Variants in CRPPA observed in about 807,000 individuals in gnomAD.
CRPPA encodes the protein D-ribitol-5-phosphate cytidylyltransferase.
A neutral mutation model predicts 52.0 loss-of-function variants in CRPPA; 43 were observed. That is an observed-to-expected ratio of 0.83 (90% CI 0.65 to 1.07). CRPPA has a LOEUF of 1.07. Among genes scored for constraint, CRPPA ranks in the 50% least tolerant of loss-of-function variants. The probability of loss-of-function intolerance (pLI) is 0.00; values close to 1 mark genes in which losing one functional copy is unlikely to be tolerated. For missense variants in CRPPA, 629 were observed against 551.7 expected (o/e 1.14, Z -1.40); for synonymous variants, 250 against 203.5 (o/e 1.23, Z -1.94).
At chr7:16,397,094 C>T (rs1031822879) in intron 2 of CRPPA, among the ~76,000 whole-genome samples, 2 of 152,182 alleles carry the variant, frequency 1.3e-5, no homozygotes, top group South Asian at 2.1e-4. Context: ...GGAAGACACA[C>T]GTGTGAAATA....
intron 1 of CRPPA, among the ~76,000 whole-genome samples, chr7:16,416,601 G>T (rs555223747): frequency 9.2e-5 from 14 of 151,932 alleles, no homozygotes; most frequent in Non-Finnish European, 1.8e-4. Context: ...CTGGGAGGCC[G>T]ACGCAGGTGG....
chr7:16,384,100 G>A (rs1157578011), intron 2 of CRPPA, among the ~76,000 whole-genome samples: 3 of 152,154 alleles, frequency 2.0e-5, no homozygotes, highest in Non-Finnish European at 4.4e-5. Context: ...CTCAGGCTGG[G>A]AGCTGTAGAC....
rs546946389 is a variant in CRPPA, at chr7:16,246,726, T to C, written c.1119+11664A>G. ...GCAGTAATATTTTGAAAGGAATCTT[T>C]CTTTGTGAGCATTAAGTCTCAAAAG... On this transcript the variant is annotated intron_variant, in intron 8 of 9. Transcript: ENST00000407010. Among the ~76,000 whole-genome samples the C allele has an allele frequency of 5.3e-5, 8 of 152,364 alleles. No individual in the cohort carries two copies. The South Asian group carries it at 1.7e-3, about 32-fold the overall frequency.
intron 9 of CRPPA, among the ~76,000 whole-genome samples, chr7:16,202,303 T>C (rs1017791026): frequency 3.3e-5 from 5 of 152,184 alleles, no homozygotes; most frequent in Non-Finnish European, 7.4e-5. Context: ...ATTCTGTTCA[T>C]GTTTTACACA....
chr7:16,233,798 A>G (rs1583452590), intron 8 of CRPPA, among the ~76,000 whole-genome samples: 1 of 152,284 alleles, frequency 6.6e-6, no homozygotes, highest in East Asian at 1.9e-4. Context: ...GCAACAATAA[A>G]TGAATGAGTG....
intron 2 of CRPPA, among the ~76,000 whole-genome samples, chr7:16,398,859 A>G (rs895927874): frequency 6.6e-6 from 1 of 152,226 alleles, no homozygotes; most frequent in Non-Finnish European, 1.5e-5. Context: ...CGTAACTGGC[A>G]TGTGTCCAAC....
intron 9 of CRPPA, among the ~76,000 whole-genome samples, chr7:16,136,790 C>G (rs76256621): frequency 2.0e-5 from 3 of 152,096 alleles, no homozygotes; most frequent in African/African-American, 7.2e-5. Context: ...CACATATACA[C>G]GCATACACAA....
chr7:16,342,743 C>A, intron 3 of CRPPA, among the ~76,000 whole-genome samples: 1 of 80,922 alleles, frequency 1.2e-5, no homozygotes, highest in African/African-American at 5.1e-5. Flanking sequence ...GCCTGGGCAA[C>A]AGGATGAACC....
chr7:16,224,524 A>G (rs1782599889), intron 8 of CRPPA, among the ~76,000 whole-genome samples: 2 of 152,290 alleles, frequency 1.3e-5, no homozygotes, highest in South Asian at 4.1e-4. Context: ...AATGCCCACC[A>G]AAGTGGAAGG....
rs1482861425 is a variant in CRPPA at position 16,156,250 on chromosome 7, T to C, written c.1251+59816A>G. On this transcript the variant is annotated intron_variant, in intron 9 of 9. Coordinates refer to ENST00000407010, the MANE Select transcript of CRPPA (RefSeq NM_001101426.4). ...AACACTCATTTTATTTCACTTGCTT[T>C]AGCTAATAACTGTCACTGTTCTATC... 3.9e-5 allele frequency among the ~76,000 whole-genome samples: 6 copies of C among 152,196 alleles called. No individual in the cohort carries two copies. In the East Asian group the frequency reaches 1.2e-3, roughly 29 times the overall value.
intron 5 of CRPPA, among the ~76,000 whole-genome samples, chr7:16,299,487 C>A (rs911764169): frequency 6.6e-6 from 1 of 152,112 alleles, no homozygotes; most frequent in African/African-American, 2.4e-5. Flanking sequence ...TGAGGTGGGG[C>A]CTGAGATTCT....
intron 9 of CRPPA, among the ~76,000 whole-genome samples, chr7:16,162,118 T>C (rs1246220453): frequency 6.6e-6 from 1 of 152,160 alleles, no homozygotes; most frequent in Non-Finnish European, 1.5e-5. Context: ...TTCTTAATCT[T>C]TTCCAAAAAC....
intron 9 of CRPPA, among the ~76,000 whole-genome samples, chr7:16,147,477 G>A (rs1782996787): frequency 6.6e-6 from 1 of 152,112 alleles, no homozygotes; most frequent in Non-Finnish European, 1.5e-5. Context: ...TTTGTTGAAT[G>A]CCTCTACCAA....
At chr7:16,162,775 G>C (rs78785656) in intron 9 of CRPPA, among the ~76,000 whole-genome samples, 3 of 151,816 alleles carry the variant, frequency 2.0e-5, no homozygotes, top group East Asian at 3.9e-4. Context: ...TTGACAGTGG[G>C]GTGTTAAAGT....
chr7:16,234,218 C>T (rs1782879228), intron 8 of CRPPA, among the ~76,000 whole-genome samples: 2 of 152,050 alleles, frequency 1.3e-5, no homozygotes, highest in African/African-American at 4.8e-5. Context: ...ATAAAGGATG[C>T]TATCTCCAAC....
intron 5 of CRPPA, among the ~76,000 whole-genome samples, chr7:16,297,321 T>C (rs1175842940): frequency 2.0e-5 from 3 of 152,170 alleles, no homozygotes; most frequent in Non-Finnish European, 4.4e-5. Context: ...TTTTAAATCT[T>C]GACAAAGAAT....
At chr7:16,387,042 AAGAT>A (rs1174604686) in intron 2 of CRPPA, among the ~76,000 whole-genome samples, 13 of 82,786 alleles carry the variant, frequency 1.6e-4, no homozygotes, top group Admixed American at 4.4e-4. Context: ...AAATAAAAAA[AAGAT>A]ATATATATAT....
chr7:16,353,916 T>C (rs1196692460), intron 3 of CRPPA, among the ~76,000 whole-genome samples: 1 of 152,134 alleles, frequency 6.6e-6, no homozygotes, highest in Non-Finnish European at 1.5e-5. Context: ...ATGGGTATAG[T>C]AATTAGCCTG....
chr7:16,179,502 G>C (rs900397157), intron 9 of CRPPA, among the ~76,000 whole-genome samples: 2 of 152,208 alleles, frequency 1.3e-5, no homozygotes, highest in African/African-American at 4.8e-5. Flanking sequence ...GGGTAAGAGA[G>C]AGAGGTGTAA....
Sources: allele counts gnomAD v4.1 joint callset (sites outside exome capture counted in the v4.1 genomes callset), GRCh38; gene constraint gnomAD v4.1.1; transcripts MANE v1.5; gene names NCBI Gene and HGNC (gene_info 2026-07-23, HGNC 2026-07-21).